The following AGBL1 variants were observed in gnomAD, a reference collection of about 807,000 sequenced individuals.
AGBL1 encodes the protein cytosolic carboxypeptidase 4.
In AGBL1, 130 loss-of-function variants were observed where a neutral mutation model predicts 118.9. That is an observed-to-expected ratio of 1.09 (90% CI 0.95 to 1.26). The LOEUF is 1.26. Among genes scored for constraint, AGBL1 ranks in the 50% most tolerant of loss-of-function variants. The probability of loss-of-function intolerance (pLI) is 0.00; values close to 1 mark genes in which losing one functional copy is unlikely to be tolerated. For missense variants in AGBL1, 1,584 were observed against 1,298.1 expected, an observed-to-expected ratio of 1.22 and a Z score of -3.38; for synonymous variants, 555 against 478.9, an observed-to-expected ratio of 1.16 and a Z score of -2.08.
intron 5 of AGBL1, among the ~76,000 whole-genome samples, chr15:86,167,221 A>G (rs962066202): frequency 1.3e-4 from 20 of 150,754 alleles, no homozygotes; most frequent in Non-Finnish European, 2.7e-4. Context: ...TTTTACTTTG[A>G]GGGAACTGAT....
intron 5 of AGBL1, among the ~76,000 whole-genome samples, chr15:86,198,478 G>C (rs1334679107): frequency 2.6e-5 from 4 of 152,164 alleles, no homozygotes; most frequent in Non-Finnish European, 5.9e-5. Context: ...TTAATTTCAA[G>C]GGGTCAGAGG....
intron 17 of AGBL1, among the ~76,000 whole-genome samples, chr15:86,314,909 T>C (rs919131087): frequency 1.3e-5 from 2 of 152,232 alleles, no homozygotes; most frequent in Non-Finnish European, 2.9e-5. Context: ...CAGACTTGGA[T>C]TGGAAATCTC....
chr15:86,180,692 A>G (rs1002318848), intron 5 of AGBL1, among the ~76,000 whole-genome samples: 6 of 152,096 alleles, frequency 3.9e-5, no homozygotes, highest in Non-Finnish European at 5.9e-5. Context: ...AATATTAAAA[A>G]CTTCTGTAGC....
At chr15:86,798,114 A>G (rs1436920044) in intron 22 of AGBL1, among the ~76,000 whole-genome samples, 1 of 152,182 alleles carries the variant, frequency 6.6e-6, no homozygotes, top group Admixed American at 6.5e-5. Context: ...CTTGGTATCC[A>G]TTAGACTGCA....
intron 17 of AGBL1, among the ~76,000 whole-genome samples, chr15:86,303,525 G>A (rs1305198212): frequency 6.6e-6 from 1 of 152,038 alleles, no homozygotes; most frequent in African/African-American, 2.4e-5. Context: ...GTTGTCGGGG[G>A]ATAAGAAGTT....
At chr15:86,719,117 G>A (rs1292207852) in intron 22 of AGBL1, among the ~76,000 whole-genome samples, 1 of 152,168 alleles carries the variant, frequency 6.6e-6, no homozygotes, top group African/African-American at 2.4e-5. Context: ...AAGTGATAGA[G>A]CAAATATAAC....
At chr15:86,611,943 G>A (rs2084662524) in intron 21 of AGBL1, among the ~76,000 whole-genome samples, 1 of 152,168 alleles carries the variant, frequency 6.6e-6, no homozygotes, top group Admixed American at 6.5e-5. Context: ...CAGGCTGTGA[G>A]TGTTCTGCTC....
chr15:86,445,452 A>G (rs1400895674), intron 18 of AGBL1, among the ~76,000 whole-genome samples: 3 of 152,036 alleles, frequency 2.0e-5, no homozygotes, highest in African/African-American at 7.2e-5. Flanking sequence ...GATGTGGTCA[A>G]CTCTCTTCCC....
intron 18 of AGBL1, among the ~76,000 whole-genome samples, chr15:86,475,992 A>G (rs150522380): frequency 0.02 from 3,049 of 150,720 alleles, 48 homozygotes; most frequent in Non-Finnish European, 0.032. Flanking sequence ...TAAATGAAGG[A>G]GAAGGAGAAA....
chr15:86,359,301 G>C (rs1199351816), intron 17 of AGBL1, among the ~76,000 whole-genome samples: 1 of 150,868 alleles, frequency 6.6e-6, no homozygotes, highest in Non-Finnish European at 1.5e-5. Flanking sequence ...AGTGTCCTCA[G>C]CACATTTTTT....
intron 7 of AGBL1, among the ~76,000 whole-genome samples, chr15:86,253,113 T>C (rs2078842344): frequency 6.6e-6 from 1 of 151,994 alleles, no homozygotes; most frequent in Non-Finnish European, 1.5e-5. Flanking sequence ...GTGGGTGAGC[T>C]TGAGAAACAC....
At chr15:86,206,313 C>T (rs2077991374) in intron 5 of AGBL1, among the ~76,000 whole-genome samples, 2 of 152,134 alleles carry the variant, frequency 1.3e-5, no homozygotes, top group South Asian at 4.1e-4. Context: ...ATTTATAATT[C>T]TTTGGGTATA....
At chr15:86,768,613 C>T (rs904945310) in intron 22 of AGBL1, among the ~76,000 whole-genome samples, 10 of 151,974 alleles carry the variant, frequency 6.6e-5, no homozygotes, top group Non-Finnish European at 1.0e-4. Context: ...CGTAGGGAAG[C>T]CTGACCTGAC....
chr15:86,421,263 C>T (rs1259809220), intron 18 of AGBL1, among the ~76,000 whole-genome samples: 1 of 152,152 alleles, frequency 6.6e-6, no homozygotes, highest in African/African-American at 2.4e-5. Context: ...CAGCATATCT[C>T]TCTATGGAAA....
chr15:86,442,713 C>G (rs2082079168), intron 18 of AGBL1, among the ~76,000 whole-genome samples: 1 of 152,130 alleles, frequency 6.6e-6, no homozygotes, highest in African/African-American at 2.4e-5. Context: ...TCTTATAGCT[C>G]TGGTGGATTA....
chr15:86,808,669 C>T (rs922338884), intron 22 of AGBL1, among the ~76,000 whole-genome samples: 2 of 147,086 alleles, frequency 1.4e-5, no homozygotes, highest in African/African-American at 5.1e-5. Context: ...TTTCCTCCTT[C>T]CTTTTCTTTC....
intron 18 of AGBL1, among the ~76,000 whole-genome samples, chr15:86,503,009 G>C (rs1342687630): frequency 2.0e-5 from 3 of 151,326 alleles, no homozygotes; most frequent in East Asian, 3.9e-4. Context: ...TTCCTTAAAC[G>C]CTTGGTAGAA....
intron 22 of AGBL1, among the ~76,000 whole-genome samples, chr15:86,843,944 C>G (rs1456968927): frequency 6.6e-6 from 1 of 152,152 alleles, no homozygotes; most frequent in African/African-American, 2.4e-5. Context: ...TACTTTCTTA[C>G]AGATTTTCTT....
chr15:86,226,129 G>A (rs1407222520), intron 6 of AGBL1, among the ~76,000 whole-genome samples: 1 of 152,120 alleles, frequency 6.6e-6, no homozygotes, highest in Non-Finnish European at 1.5e-5. Flanking sequence ...AAGAGGAAGG[G>A]CTTATGAAGC....
Sources: allele counts gnomAD v4.1 joint callset (sites outside exome capture counted in the v4.1 genomes callset), GRCh38; gene constraint gnomAD v4.1.1; transcripts MANE v1.5; gene names NCBI Gene and HGNC (gene_info 2026-07-23, HGNC 2026-07-21).